TBC1D10A: variants seen among roughly 807,000 people sequenced by gnomAD.
TBC1D10A encodes TBC1 domain family member 10A, also known as EBP50-PDX interactor of 64 kDa.
TBC1D10A carries 24 observed loss-of-function variants against 52.9 expected under a neutral mutation model. The ratio of observed to expected loss-of-function variants is 0.45; its 90% CI spans 0.33 to 0.64. The LOEUF (loss-of-function observed/expected upper bound fraction) is 0.64. Among genes scored for constraint, TBC1D10A ranks in the 30% least tolerant of loss-of-function variants. The pLI, the probability that TBC1D10A is intolerant of heterozygous loss-of-function variation, is 0.02. For synonymous variants in TBC1D10A, 278 were observed against 282.9 expected (o/e 0.98, Z 0.17); for missense variants, 602 against 687.9 (o/e 0.88, Z 1.40).
intron 1 of TBC1D10A, among the ~76,000 whole-genome samples, chr22:30,319,002 C>A (rs1160020637): frequency 1.3e-5 from 2 of 152,154 alleles, no homozygotes; most frequent in African/African-American, 4.8e-5. Context: ...CCTAACCTAC[C>A]CTTGCTTCGT....
At chr22:30,306,526 G>T (rs5763941) in intron 1 of TBC1D10A, among the ~76,000 whole-genome samples, 1 of 152,152 alleles carries the variant, frequency 6.6e-6, no homozygotes, top group Admixed American at 6.5e-5. Context: ...CGGAACTTCA[G>T]AAGAGTACAA....
At position 30,326,906 on chromosome 22, in the gene TBC1D10A, T is replaced by G; in HGVS notation, c.-25A>C. 6.9e-7 allele frequency: 1 copy of G among 1,449,460 alleles called. No individual in the cohort carries two copies. The highest frequency in any genetic ancestry group is 9.0e-7 in the Non-Finnish European group (1 of 1,106,188). 89.8% of individuals were successfully genotyped at this position (1,449,460 alleles called of 1,614,324 possible). A position where few individuals can be genotyped will look rare whatever the true frequency, so the allele number is the denominator to read the frequency against. The stretch of plus-strand genomic sequence containing the variant: ...TCCCAGCCGCGCCCGCCGCCTGAGC[T>G]CCAGCGGCCACCTCAGCCGCCCTGC... On this transcript the variant is annotated 5_prime_UTR_variant, in exon 1 of 9. Transcript: ENST00000215790.
chr22:30,305,200 A>G (rs1161754975), intron 1 of TBC1D10A, among the ~76,000 whole-genome samples: 1 of 152,150 alleles, frequency 6.6e-6, no homozygotes, highest in Non-Finnish European at 1.5e-5. Context: ...ACACACTTCA[A>G]AGCCCCATCA....
chr22:30,298,717 G>C (rs1396065674), intron 3 of TBC1D10A: 2 of 152,284 alleles, frequency 1.3e-5, no homozygotes, highest in East Asian at 3.8e-4. Flanking sequence ...TAGTTCCCTG[G>C]GGGAGCAGGC....
chr22:30,293,571 G>A, intron 8 of TBC1D10A, 80 bp downstream of exon 8: 3 of 1,543,710 alleles, frequency 1.9e-6, no homozygotes, highest in Middle Eastern at 2.3e-4. Context: ...CTCAGGGGCT[G>A]AGGGTTAGCG....
Position 30,293,795 on chromosome 22 carries a change from G to C in TBC1D10A, c.906C>G (p.Ile302Met), listed in dbSNP as rs780360780. 2 of 1,611,332 alleles carry C rather than the reference G, an allele frequency of 1.2e-6. No individual in the cohort carries two copies. Among genetic ancestry groups the C allele is most frequent in the East Asian group, 2.2e-5 (1 of 44,804 alleles). ...GCAGCACCAGCCCCACCCGGAAGAT[G>C]ATCTTGACCCCTGCATGGGGGATGG... is the stretch of plus-strand genomic sequence containing the variant. ...WDMFFCEGVKIIFRVGLVLLK... is the reference protein window; with the variant it reads ...WDMFFCEGVKMIFRVGLVLLK... The change falls in exon 8 of 9, where the codon ATC (isoleucine) becomes ATG (methionine). Residue 302 changes from isoleucine to methionine, a missense_variant. By Grantham distance (10) the Ile-to-Met change is conservative. Transcript: ENST00000215790.
At position 30,292,573 on chromosome 22, in the gene TBC1D10A, C is replaced by T. The variant is rs766145190; in HGVS notation, c.1329G>A (p.Gly443=). The change falls in exon 9 of 9, where the codon GGG becomes GGA. Residue 443 remains glycine (G), a synonymous_variant. Coordinates refer to ENST00000215790, the MANE Select transcript of TBC1D10A (RefSeq NM_031937.3). ...KEQRKQMKGR[G]QLEKPPAPNQ... is the part of the protein sequence containing the mutation. ...TTGGGGCTGGGGGCTTCTCCAGCTG[C>T]CCTCTCCCCTTCATCTGTTTCCGCT... is the stretch of plus-strand genomic sequence containing the variant. The T allele has an allele frequency of 1.2e-6, 2 of 1,613,752 alleles. No individual in the cohort carries two copies. Among genetic ancestry groups the T allele is most frequent in the East Asian group, 4.5e-5 (2 of 44,868 alleles).
chr22:30,303,477 G>C (rs1412544249), intron 2 of TBC1D10A, among the ~76,000 whole-genome samples: 1 of 152,234 alleles, frequency 6.6e-6, no homozygotes, highest in African/African-American at 2.4e-5. Context: ...GGAGCAACAG[G>C]ATTATCACTC....
intron 1 of TBC1D10A, among the ~76,000 whole-genome samples, chr22:30,325,274 C>T (rs550028684): frequency 6.6e-6 from 1 of 152,314 alleles, no homozygotes; most frequent in East Asian, 1.9e-4. Flanking sequence ...GGGGAGGGGC[C>T]TGGATTTCTC....
At chr22:30,308,316 ATGCCTGCATGCC>A (rs1555973998) in intron 1 of TBC1D10A, among the ~76,000 whole-genome samples, 17 of 130,392 alleles carry the variant, frequency 1.3e-4, no homozygotes, top group Admixed American at 6.0e-4. Context: ...GCCTGCCTGC[ATGCCTGCATGCC>A]TGCATGCCTG....
intron 3 of TBC1D10A, chr22:30,299,128 G>C: frequency 3.8e-6 from 1 of 261,850 alleles, no homozygotes; most frequent in Non-Finnish European, 7.4e-6. Flanking sequence ...GAGCAGGGAG[G>C]TAGCCTACTG....
intron 1 of TBC1D10A, among the ~76,000 whole-genome samples, chr22:30,319,981 A>T (rs1259404131): frequency 6.6e-6 from 1 of 152,200 alleles, no homozygotes; most frequent in African/African-American, 2.4e-5. Context: ...AGTGCTATGT[A>T]GCTAGAGGAG....
chr22:30,306,113 A>C lies in TBC1D10A; in HGVS notation c.210-1483T>G, dbSNP rs562700249. On this transcript the variant is annotated intron_variant, in intron 1 of 8. Transcript: ENST00000215790. ...CTCCCAGGCCATGATACCTTCCACC[A>C]CCTATAATGCACTGCTTATGCAACA... Among the ~76,000 whole-genome samples the C allele has an allele frequency of 2.6e-5, 4 of 152,298 alleles. No homozygotes were observed. In the South Asian group the frequency reaches 8.3e-4, roughly 32 times the overall value.
At chr22:30,307,430 T>A (rs1335951848) in intron 1 of TBC1D10A, among the ~76,000 whole-genome samples, 3 of 152,202 alleles carry the variant, frequency 2.0e-5, no homozygotes, top group African/African-American at 7.2e-5. Flanking sequence ...CACTCTATTG[T>A]TAAACAGTTT....
chr22:30,325,816 C>A (rs1451402173), intron 1 of TBC1D10A, among the ~76,000 whole-genome samples: 20 of 152,146 alleles, frequency 1.3e-4, no homozygotes, highest in Non-Finnish European at 1.5e-4. Context: ...CCCCGTCCCA[C>A]GCCCAAGATC....
At chr22:30,317,541 ATGC>A (rs199518319) in intron 1 of TBC1D10A, among the ~76,000 whole-genome samples, 4,166 of 152,290 alleles carry the variant, frequency 0.027, 192 homozygotes, top group African/African-American at 0.096. Flanking sequence ...TGTTTACACT[ATGC>A]TCCTAATCCA....
intron 1 of TBC1D10A, among the ~76,000 whole-genome samples, chr22:30,316,958 G>A (rs1251501759): frequency 6.6e-6 from 1 of 152,104 alleles, no homozygotes; most frequent in African/African-American, 2.4e-5. Flanking sequence ...AAGATCGCTT[G>A]TGCCTGGGAG....
chr22:30,307,246 A>G (rs1930326879), intron 1 of TBC1D10A, among the ~76,000 whole-genome samples: 1 of 152,212 alleles, frequency 6.6e-6, no homozygotes, highest in Non-Finnish European at 1.5e-5. Flanking sequence ...CAAATGGCCC[A>G]TGGGGGATGT....
chr22:30,299,294 C>T, intron 3 of TBC1D10A, 150 bp downstream of exon 3: 1 of 747,532 alleles, frequency 1.3e-6, no homozygotes, highest in Non-Finnish European at 2.2e-6. Flanking sequence ...CCGGTCTGGC[C>T]TGCTGGGGCC....
Sources: allele counts gnomAD v4.1 joint callset (sites outside exome capture counted in the v4.1 genomes callset), GRCh38; gene constraint gnomAD v4.1.1; transcripts MANE v1.5; gene names NCBI Gene and HGNC (gene_info 2026-07-23, HGNC 2026-07-21).